C7: variants seen among roughly 807,000 people sequenced by gnomAD.
C7 encodes complement C7.
A neutral mutation model predicts 104.8 loss-of-function variants in C7; 83 were observed. That is an observed-to-expected ratio of 0.79 (90% CI 0.66 to 0.95). The LOEUF (loss-of-function observed/expected upper bound fraction) is 0.95. Among genes scored for constraint, C7 ranks in the 40% least tolerant of loss-of-function variants. The probability of loss-of-function intolerance (pLI) is 0.00; values close to 1 mark genes in which losing one functional copy is unlikely to be tolerated. For missense variants in C7, 1,070 were observed against 1,011.2 expected (o/e 1.06, Z -0.79); for synonymous variants, 415 against 360.6 (o/e 1.15, Z -1.71).
At chr5:40,942,754 G>T (rs997401781) in intron 6 of C7, among the ~76,000 whole-genome samples, 23 of 151,364 alleles carry the variant, frequency 1.5e-4, no homozygotes, top group African/African-American at 5.3e-4. Context: ...ACAGTTGTGC[G>T]ATTTTCTTTC....
intron 1 of C7, among the ~76,000 whole-genome samples, chr5:40,923,967 C>T (rs898772139): frequency 6.6e-6 from 1 of 152,016 alleles, no homozygotes; most frequent in Non-Finnish European, 1.5e-5. Flanking sequence ...ACCCCTGGCC[C>T]CCTGAATCTC....
chr5:40,974,387 G>T (rs796521118), intron 15 of C7, among the ~76,000 whole-genome samples: 150 of 138,136 alleles, frequency 1.1e-3, no homozygotes, highest in African/African-American at 3.8e-3. Flanking sequence ...TAATTCTATC[G>T]TTTTTTTTTT....
At chr5:40,954,484 C>A (rs924154855) in intron 9 of C7, among the ~76,000 whole-genome samples, 3 of 152,142 alleles carry the variant, frequency 2.0e-5, no homozygotes, top group Admixed American at 2.0e-4. Flanking sequence ...GAAGAACATT[C>A]TCTTGCATAA....
rs16870568 is a variant in C7, at chr5:40,982,073, T to C, written c.*500T>C. 40,784 of 152,502 alleles carry C rather than the reference T, an allele frequency of 0.27. 5,811 individuals carry two copies. The highest frequency in any genetic ancestry group is 0.38 in the Middle Eastern group (111 of 292). The allele number at this position is 152,502 out of a possible 1,614,324, so 9.4% of individuals were successfully genotyped here. ...TTGAACAAAAATGACAGATACAAACTATTTCTATCCTGAGTAGTAATCTCA... is the reference window on the plus strand; with the variant it reads ...TTGAACAAAAATGACAGATACAAACCATTTCTATCCTGAGTAGTAATCTCA... On this transcript the variant is annotated 3_prime_UTR_variant, in exon 18 of 18. Coordinates refer to ENST00000313164, the MANE Select transcript of C7 (RefSeq NM_000587.4).
chr5:40,938,621 C>T (rs1290228552), intron 6 of C7, among the ~76,000 whole-genome samples: 1 of 152,074 alleles, frequency 6.6e-6, no homozygotes, highest in African/African-American at 2.4e-5. Context: ...CATTTCATAC[C>T]CCAGCAGTGG....
chr5:40,952,665 C>G (rs1485541369), intron 9 of C7, among the ~76,000 whole-genome samples: 1 of 151,854 alleles, frequency 6.6e-6, no homozygotes, highest in African/African-American at 2.4e-5. Context: ...CCACTACAGG[C>G]CCCGGTGTGT....
At chr5:40,945,804 C>A (rs1018084050) in intron 7 of C7, among the ~76,000 whole-genome samples, 1 of 149,056 alleles carries the variant, frequency 6.7e-6, no homozygotes, top group African/African-American at 2.5e-5. Context: ...GGAGAGGATG[C>A]AGTGAGCCAA....
At chr5:40,955,309 C>G in intron 9 of C7, 78 bp from the exon 10 acceptor site, 1 of 1,440,936 alleles carries the variant, frequency 6.9e-7, no homozygotes. Context: ...TTGGCTTTTT[C>G]CAGGATGTCA....
chr5:40,932,922 G>A (rs1023902370), intron 3 of C7, among the ~76,000 whole-genome samples: 1 of 152,104 alleles, frequency 6.6e-6, no homozygotes, highest in Non-Finnish European at 1.5e-5. Context: ...CAGGTGAGAA[G>A]GAGACTGTGG....
At chr5:40,953,590 G>T (rs1676223393) in intron 9 of C7, among the ~76,000 whole-genome samples, 1 of 131,974 alleles carries the variant, frequency 7.6e-6, no homozygotes, top group Non-Finnish European at 1.5e-5. Flanking sequence ...GCAGTGAGCT[G>T]AGATAGTGCC....
In C7 at chr5:40,942,868, G is replaced by A. The variant is rs982788561; in HGVS notation, c.568-2330G>A. Among the ~76,000 whole-genome samples, 5 of 151,820 alleles carry A rather than the reference G, an allele frequency of 3.3e-5. No individual in the cohort carries two copies. In the Middle Eastern group the frequency reaches 0.01, roughly 310 times the overall value. On this transcript the variant is annotated intron_variant, in intron 6 of 17. Coordinates refer to ENST00000313164, the MANE Select transcript of C7 (RefSeq NM_000587.4). ...CAACCTCCGCCTCCTGGGTTCAAGC[G>A]ATTCTCCTGGTTCAGCCTCCCGAGT...
At chr5:40,937,514 T>A in intron 5 of C7, 38 bp from the exon 6 acceptor site, 3 of 1,558,328 alleles carry the variant, frequency 1.9e-6, no homozygotes, top group Non-Finnish European at 2.6e-6. Context: ...TTTTAACGGC[T>A]TTTTATTTCC....
chr5:40,974,222 G>A (rs929950683), intron 15 of C7, among the ~76,000 whole-genome samples: 1 of 151,400 alleles, frequency 6.6e-6, no homozygotes, highest in Non-Finnish European at 1.5e-5. Flanking sequence ...TTCCCCTACT[G>A]TCCCCGTAGT....
At chr5:40,954,889 A>AAG in intron 9 of C7, 3 of 284,586 alleles carry the variant, frequency 1.1e-5, no homozygotes, top group Non-Finnish European at 1.3e-5. Context: ...AAAAAAAAAA[A>AAG]AAAAAAAAAA....
At chr5:40,954,073 T>C (rs1478898815) in intron 9 of C7, among the ~76,000 whole-genome samples, 1 of 152,134 alleles carries the variant, frequency 6.6e-6, no homozygotes. Context: ...TTTCTAAAAT[T>C]ATGAGGCACA....
intron 2 of C7, among the ~76,000 whole-genome samples, chr5:40,929,369 G>A (rs1365658149): frequency 2.0e-5 from 3 of 152,146 alleles, no homozygotes; most frequent in Admixed American, 1.3e-4. Flanking sequence ...ATTTCCCCAG[G>A]ACAGAGGCTA....
intron 10 of C7, among the ~76,000 whole-genome samples, chr5:40,957,185 A>G (rs762527524): frequency 2.0e-4 from 30 of 152,336 alleles, no homozygotes; most frequent in Non-Finnish European, 3.5e-4. Flanking sequence ...CACTGCAGAA[A>G]CTGGCAAATG....
chr5:40,961,619 C>T (rs1463810488), intron 12 of C7, among the ~76,000 whole-genome samples: 6 of 152,156 alleles, frequency 3.9e-5, no homozygotes, highest in Non-Finnish European at 1.5e-5. Flanking sequence ...CTCCTGACCT[C>T]AGGCTATCTG....
intron 1 of C7, among the ~76,000 whole-genome samples, chr5:40,910,693 AT>A (rs33918092): frequency 0.042 from 6,294 of 151,326 alleles, 436 homozygotes; most frequent in African/African-American, 0.14. Context: ...CATGTTCTTA[AT>A]TTTTAAGTGG....
Sources: allele counts gnomAD v4.1 joint callset (sites outside exome capture counted in the v4.1 genomes callset), GRCh38; gene constraint gnomAD v4.1.1; transcripts MANE v1.5; gene names NCBI Gene and HGNC (gene_info 2026-07-23, HGNC 2026-07-21).